The following UAP1L1 variants were observed in gnomAD, a reference collection of about 807,000 sequenced individuals.
The protein encoded by UAP1L1 is UDP-N-acetylhexosamine pyrophosphorylase-like protein 1.
A neutral mutation model predicts 45.3 loss-of-function variants in UAP1L1; 45 were observed. The ratio of observed to expected loss-of-function variants is 0.99; its 90% CI spans 0.78 to 1.27. UAP1L1 has a LOEUF of 1.27. Ranked by LOEUF, UAP1L1 falls within the 50% of genes most tolerant of loss-of-function variation. UAP1L1 has a pLI of 0.00. For missense variants in UAP1L1, 667 were observed against 694.0 expected, an observed-to-expected ratio of 0.96 and a Z score of 0.44; for synonymous variants, 323 against 303.9, an observed-to-expected ratio of 1.06 and a Z score of -0.65.
In UAP1L1 at chr9:137,079,939, G is replaced by A. The variant is rs1193420213; in HGVS notation, c.1038-63G>A. On this transcript the variant is annotated intron_variant, in intron 5 of 8. Transcript: ENST00000409858. ...CTGGGTGTGCTCAGAAGTGGGGACA[G>A]AGCCCCCAGCGGTGCCATATCTGAT... 6.3e-6 allele frequency: 10 copies of A among 1,587,790 alleles called. No homozygotes were observed. In the South Asian group the frequency reaches 6.8e-5, roughly 11 times the overall value.
chr9:137,079,789 A>G (rs1382310431), intron 5 of UAP1L1: 2 of 632,110 alleles, frequency 3.2e-6, no homozygotes, highest in Non-Finnish European at 5.4e-6. Context: ...GATGTGGCTG[A>G]TGGTGCCTGG....
rs140579603 is a variant in UAP1L1 at position 137,079,992 on chromosome 9, C to G, written c.1038-10C>G. ...GTTTCTTTCCTCCCCTCTGCTCTCC[C>G]GTGCCCCAGGGAGTTTGAGCCTTTG... On this transcript the variant is annotated splice_polypyrimidine_tract_variant and intron_variant, in intron 5 of 8. Transcript: ENST00000409858. 3.4e-5 allele frequency: 55 copies of G among 1,613,058 alleles called. No individual in the cohort carries two copies. In the East Asian group the frequency reaches 1.2e-3, roughly 35 times the overall value.
In UAP1L1 at chr9:137,080,806, C is replaced by T. The variant is rs767016893; in HGVS notation, c.1296C>T (p.Tyr432=). ...GCCAGGCCCTGCTCACCCAGCACTA[C>T]CGGTGGGCTCTGCGGGCCGGGGCCC... ...TARQALLTQH[Y]RWALRAGARF... is the part of the protein sequence containing the mutation. Residue 432 remains tyrosine, a synonymous_variant, in exon 7 of 9, where the codon TAC becomes TAT. Coordinates refer to ENST00000409858, the MANE Select transcript of UAP1L1 (RefSeq NM_207309.3). 3.7e-6 allele frequency: 6 copies of T among 1,611,912 alleles called. No homozygotes were observed. The Admixed American group carries it at 6.7e-5, about 18-fold the overall frequency.
chr9:137,077,952 G>A lies in UAP1L1; in HGVS notation c.290-98G>A. On this transcript the variant is annotated intron_variant, in intron 1 of 8. Coordinates refer to ENST00000409858, the MANE Select transcript of UAP1L1 (RefSeq NM_207309.3). This position sits in a 1 kb window ranked among gnomAD's most constrained non-coding sequence, Gnocchi z 4.7. ...GACGTGTCTCGCCTCACGCGTTCCG[G>A]CCCCCGAGTCCTGGCGCCCCAGCCC... 1 of 1,526,992 alleles carries A rather than the reference G, an allele frequency of 6.5e-7. No homozygotes were observed. Among genetic ancestry groups the A allele is most frequent in the Non-Finnish European group, 8.7e-7 (1 of 1,143,418 alleles). The allele number at this position is 1,526,992 out of a possible 1,614,324, so 94.6% of individuals were successfully genotyped here.
In UAP1L1 at chr9:137,082,891, G is replaced by T; in HGVS notation, c.*162G>T. On this transcript the variant is annotated 3_prime_UTR_variant, in exon 9 of 9. Transcript: ENST00000409858. This position sits in a 1 kb window ranked among gnomAD's most constrained non-coding sequence, Gnocchi z 5.7. ...GCAGCCTGCCCCATGCTTCCAGCCT[G>T]CAGAACACAGAATGAAACATGCTGG... 1.6e-6 allele frequency: 1 copy of T among 610,678 alleles called. No individual in the cohort carries two copies. Among genetic ancestry groups the T allele is most frequent in the Non-Finnish European group, 2.9e-6 (1 of 342,304 alleles). The allele number at this position is 610,678 out of a possible 1,614,324, so 37.8% of individuals were successfully genotyped here.
At position 137,077,690 on chromosome 9, in the gene UAP1L1, C is replaced by T; in HGVS notation, c.158C>T (p.Ala53Val). 1 of 1,142,440 alleles carries T rather than the reference C, an allele frequency of 8.8e-7. No homozygotes were observed. 70.8% of individuals were successfully genotyped at this position (1,142,440 alleles called of 1,614,324 possible). A position where few individuals can be genotyped will look rare whatever the true frequency, so the allele number is the denominator to read the frequency against. The stretch of plus-strand genomic sequence containing the variant: ...GCGCTGCGCGAGCACTGCCGGCGGG[C>T]GGCGGAGGCCTGCGCGCGCCCCCAC... The part of the protein sequence containing the change: ...PEALREHCRR[A>V]AEACARPHGP... Residue 53 changes from alanine to valine, a missense_variant, in exon 1 of 9, where the codon GCG (alanine) becomes GTG (valine). Physicochemically the swap from Ala to Val is moderately conservative, Grantham distance 64. Coordinates refer to ENST00000409858, the MANE Select transcript of UAP1L1 (RefSeq NM_207309.3). This position sits in a 1 kb window ranked among gnomAD's most constrained non-coding sequence, Gnocchi z 4.7.
In UAP1L1 at chr9:137,080,837, C is replaced by T. The variant is rs755071240; in HGVS notation, c.1327C>T (p.Leu443=). ...GGCTCTGCGGGCCGGGGCCCGCTTC[C>T]TGGATGCCCATGGGGCCTGGCTCCC... The part of the protein sequence containing the change: ...RWALRAGARF[L]DAHGAWLPEL... Residue 443 remains leucine (L), a synonymous_variant, in exon 7 of 9, where the codon CTG becomes TTG. Coordinates refer to ENST00000409858, the MANE Select transcript of UAP1L1 (RefSeq NM_207309.3). 32 of 1,607,084 alleles carry T rather than the reference C, an allele frequency of 2.0e-5. No homozygotes were observed. In the Admixed American group the frequency reaches 5.4e-4, roughly 27 times the overall value.
rs931116920 is a variant in UAP1L1, at chr9:137,078,165, G to T, written c.405G>T (p.Arg135=). 4 of 1,549,958 alleles carry T rather than the reference G, an allele frequency of 2.6e-6. No homozygotes were observed. The African/African-American group carries it at 5.5e-5, about 21-fold the overall frequency. The change falls in exon 2 of 9, where the codon CGG becomes CGT. Residue 135 remains arginine (R), a synonymous_variant. Coordinates refer to ENST00000409858, the MANE Select transcript of UAP1L1 (RefSeq NM_207309.3). ...KGMYRVGLPS[R]KTLYQLQAER... ...TGTACCGTGTGGGGCTGCCCAGCCG[G>T]AAGACCCTGTACCAGCTGCAGGCGG...
At position 137,081,991 on chromosome 9, in the gene UAP1L1, T is replaced by C. The variant is rs1450356058; in HGVS notation, c.1365-7T>C. 1 of 1,613,938 alleles carries C rather than the reference T, an allele frequency of 6.2e-7. No homozygotes were observed. Among genetic ancestry groups the C allele is most frequent in the East Asian group, 2.2e-5 (1 of 44,880 alleles). ...CAAGGAGATATTGACAAGTGGACTT[T>C]CCCTAGCTTGCCCCCAAATGGAGAC... On this transcript the variant is annotated splice_region_variant and splice_polypyrimidine_tract_variant and intron_variant, in intron 7 of 8. Transcript: ENST00000409858.
rs4073310 is a variant in UAP1L1, at chr9:137,077,767, G to C, written c.235G>C (p.Val79Leu). 2 of 1,283,426 alleles carry C rather than the reference G, an allele frequency of 1.6e-6. No individual in the cohort carries two copies. Among genetic ancestry groups the C allele is most frequent in the South Asian group, 2.4e-5 (1 of 41,680 alleles). The allele number at this position is 1,283,426 out of a possible 1,614,324, so 79.5% of individuals were successfully genotyped here. ...CCTGCGGCCCCTGCCCCCAGAGCGC[G>C]TGGGCAGGGCCAGCCGCAGCGACCC... ...ARLRPLPPER[V>L]GRASRSDPET... The change falls in exon 1 of 9, where the codon GTG (valine) becomes CTG (leucine). Residue 79 changes from valine (V) to leucine (L), a missense_variant. By Grantham distance (32) the Val-to-Leu change is conservative. Coordinates refer to ENST00000409858, the MANE Select transcript of UAP1L1 (RefSeq NM_207309.3). This position sits in a 1 kb window ranked among gnomAD's most constrained non-coding sequence, Gnocchi z 4.7.
intron 5 of UAP1L1, 98 bp from the exon 6 acceptor site, chr9:137,079,904 T>A: frequency 1.4e-6 from 2 of 1,459,462 alleles, no homozygotes; most frequent in Non-Finnish European, 1.9e-6. Context: ...TGCCATCCTG[T>A]CCCACCCAGC....
chr9:137,078,783 CT>C, intron 3 of UAP1L1, 106 bp downstream of exon 3: 1 of 1,383,574 alleles, frequency 7.2e-7, no homozygotes, highest in South Asian at 1.4e-5. Context: ...CTGTGTGGTC[CT>C]GGGTTAGGCG....
chr9:137,079,217 C>T (rs925095690), intron 4 of UAP1L1, 39 bp from the exon 5 acceptor site: 1 of 1,595,346 alleles, frequency 6.3e-7, no homozygotes, highest in Admixed American at 1.8e-5. Flanking sequence ...CCCGCCCCTC[C>T]GCCCAGCCCT....
At chr9:137,080,533 G>A in intron 6 of UAP1L1, 156 bp from the exon 7 acceptor site, 1 of 744,606 alleles carries the variant, frequency 1.3e-6, no homozygotes, top group African/African-American at 1.8e-5. Flanking sequence ...GGCGTCTCAG[G>A]AGCAAAAACA....
chr9:137,078,006 GT>G, intron 1 of UAP1L1, 43 bp from the exon 2 acceptor site: 1 of 1,541,326 alleles, frequency 6.5e-7, no homozygotes. Flanking sequence ...AAGCGGAAGG[GT>G]GGGCGGGTCC....
chr9:137,082,030 G>C lies in UAP1L1; in HGVS notation c.1397G>C (p.Cys466Ser), dbSNP rs1244621918. The change falls in exon 8 of 9, where the codon TGT (cysteine) becomes TCT (serine). Residue 466 changes from cysteine (C) to serine (S), a missense_variant. By Grantham distance (112) the Cys-to-Ser change is moderately radical. Transcript: ENST00000409858. This position sits in a 1 kb window ranked among gnomAD's most constrained non-coding sequence, Gnocchi z 5.7. ...CCAAATGGAGACCCTCCGGCCATCT[G>C]TGAGATATCGCCCTTGGTGTCTTAC... ...LPPNGDPPAI[C>S]EISPLVSYSG... is the part of the protein sequence containing the mutation. 1 of 1,614,124 alleles carries C rather than the reference G, an allele frequency of 6.2e-7. No individual in the cohort carries two copies. Among genetic ancestry groups the C allele is most frequent in the Non-Finnish European group, 8.5e-7 (1 of 1,180,032 alleles).
At chr9:137,078,859 G>A in intron 3 of UAP1L1, 117 bp from the exon 4 acceptor site, 1 of 1,368,196 alleles carries the variant, frequency 7.3e-7, no homozygotes, top group Non-Finnish European at 9.8e-7. Flanking sequence ...TCTGGTTAGT[G>A]ACCAGGGCTG....
chr9:137,083,155 A>G lies in UAP1L1; in HGVS notation c.*426A>G, dbSNP rs1832819023. 1 of 180,668 alleles carries G rather than the reference A, an allele frequency of 5.5e-6. No individual in the cohort carries two copies. The highest frequency in any genetic ancestry group is 2.3e-5 in the African/African-American group (1 of 43,028). The allele number at this position is 180,668 out of a possible 1,614,324, so 11.2% of individuals were successfully genotyped here. ...GGAGCCCGCCTTGTGGATCCACCAC[A>G]CCCCACCGAGCACTAGAAGCTGCAT... On this transcript the variant is annotated 3_prime_UTR_variant, in exon 9 of 9. Transcript: ENST00000409858.
At position 137,083,188 on chromosome 9, in the gene UAP1L1, A is replaced by G. The variant is rs898587071; in HGVS notation, c.*459A>G. 1 of 166,702 alleles carries G rather than the reference A, an allele frequency of 6.0e-6. No homozygotes were observed. Among genetic ancestry groups the G allele is most frequent in the Admixed American group, 5.7e-5 (1 of 17,526 alleles). The allele number at this position is 166,702 out of a possible 1,614,324, so 10.3% of individuals were successfully genotyped here. A position where few individuals can be genotyped will look rare whatever the true frequency, so the allele number is the denominator to read the frequency against. On this transcript the variant is annotated 3_prime_UTR_variant, in exon 9 of 9. Coordinates refer to ENST00000409858, the MANE Select transcript of UAP1L1 (RefSeq NM_207309.3). ...GAGCACTAGAAGCTGCATAAGCTAC[A>G]CAGGATGTGCTTCTGCAGCCTACAG... is the stretch of plus-strand genomic sequence containing the variant.
Sources: gnomAD v4.1 joint callset for allele counts on GRCh38, gnomAD v4.1.1 for gene constraint, Gnocchi (gnomAD v3.1) non-coding constraint, MANE v1.5 for transcripts, NCBI Gene and HGNC (gene_info 2026-07-23, HGNC 2026-07-21) for gene names.